Variants in NEK10 observed in about 807,000 individuals in gnomAD.
NEK10 encodes serine/threonine-protein kinase Nek10.
Under a neutral mutation model 159.8 loss-of-function variants are expected in NEK10, and 122 were observed. The ratio of observed to expected loss-of-function variants is 0.76; its 90% CI spans 0.66 to 0.89. NEK10 has a LOEUF of 0.89. NEK10 is among the 40% of genes least tolerant of loss of function. The pLI is 0.00. For synonymous variants in NEK10, 466 were observed against 457.1 expected, an observed-to-expected ratio of 1.02 and a Z score of -0.25; for missense variants, 1,342 against 1,323.1, an observed-to-expected ratio of 1.01 and a Z score of -0.22.
intron 1 of NEK10, among the ~76,000 whole-genome samples, chr3:27,357,248 T>C (rs1296001302): frequency 6.6e-6 from 1 of 152,192 alleles, no homozygotes; most frequent in Non-Finnish European, 1.5e-5. Flanking sequence ...TGGTGAGTTG[T>C]AGGCAAATAA....
chr3:27,150,435 A>G (rs770328493), intron 30 of NEK10, among the ~76,000 whole-genome samples: 8 of 152,308 alleles, frequency 5.3e-5, no homozygotes, highest in South Asian at 4.1e-4. Flanking sequence ...GCCAATGCTT[A>G]TTGACCATTC....
intron 25 of NEK10, among the ~76,000 whole-genome samples, chr3:27,199,802 T>G (rs1350131713): frequency 6.6e-6 from 1 of 152,200 alleles, no homozygotes; most frequent in Non-Finnish European, 1.5e-5. Context: ...CATCATGTCT[T>G]TTGTAGGAAC....
At chr3:27,227,086 T>C (rs773805514) in intron 23 of NEK10, among the ~76,000 whole-genome samples, 24 of 152,204 alleles carry the variant, frequency 1.6e-4, no homozygotes, top group Admixed American at 1.3e-4. Context: ...TGAACAAGCA[T>C]TTTCTGAGCA....
intron 19 of NEK10, among the ~76,000 whole-genome samples, chr3:27,288,863 T>C (rs973074808): frequency 2.6e-5 from 4 of 152,172 alleles, no homozygotes; most frequent in African/African-American, 9.7e-5. Context: ...GAAGGGAGAT[T>C]GCTAGCTGTC....
intron 11 of NEK10, among the ~76,000 whole-genome samples, chr3:27,306,044 C>A (rs1251176886): frequency 2.6e-5 from 4 of 152,104 alleles, no homozygotes; most frequent in Non-Finnish European, 5.9e-5. Flanking sequence ...AGTCATTAGC[C>A]TCCTCCCCAG....
At chr3:27,332,078 C>T (rs1036273080) in intron 5 of NEK10, among the ~76,000 whole-genome samples, 12 of 152,160 alleles carry the variant, frequency 7.9e-5, no homozygotes, top group Middle Eastern at 3.4e-3. Context: ...TATTCTAGAA[C>T]GATAGTACCA....
intron 23 of NEK10, among the ~76,000 whole-genome samples, chr3:27,209,186 CG>C (rs1482317951): frequency 6.6e-6 from 1 of 152,104 alleles, no homozygotes; most frequent in Non-Finnish European, 1.5e-5. Context: ...ATACAGTAAA[CG>C]GGACATAAAC....
chr3:27,256,238 A>G lies in NEK10; in HGVS notation c.2090+58T>C, dbSNP rs531254175. On this transcript the variant is annotated intron_variant, in intron 23 of 35. Transcript: ENST00000691995. ...TTTCCTTTGCAAGTCAATAATATAA[A>G]TGAAAGCCTAAATCAGTTAAGTATG... The G allele has an allele frequency of 8.3e-5, 63 of 762,776 alleles. 1 individual carries two copies. The Middle Eastern group carries it at 1.5e-3, about 19-fold the overall frequency. The allele number at this position is 762,776 out of a possible 1,614,324, so 47.3% of individuals were successfully genotyped here.
chr3:27,290,155 C>G (rs1032704023), intron 19 of NEK10, among the ~76,000 whole-genome samples: 2 of 152,150 alleles, frequency 1.3e-5, no homozygotes, highest in Non-Finnish European at 2.9e-5. Flanking sequence ...TCAGAGTATT[C>G]TGCTCATGCC....
chr3:27,365,990 A>G (rs1469490192), intron 1 of NEK10, among the ~76,000 whole-genome samples: 2 of 152,094 alleles, frequency 1.3e-5, no homozygotes, highest in Non-Finnish European at 2.9e-5. Flanking sequence ...TCAAAATGTA[A>G]GACTTATTCC....
chr3:27,361,118 A>G (rs2149876434), intron 1 of NEK10, among the ~76,000 whole-genome samples: 1 of 152,310 alleles, frequency 6.6e-6, no homozygotes, highest in Non-Finnish European at 1.5e-5. Flanking sequence ...TAACTAGAAT[A>G]TGTGACAACA....
intron 22 of NEK10, among the ~76,000 whole-genome samples, chr3:27,257,339 A>C (rs945643142): frequency 6.6e-6 from 1 of 152,236 alleles, no homozygotes; most frequent in Non-Finnish European, 1.5e-5. Context: ...AAAAAAGACA[A>C]TGCAGAACCA....
chr3:27,294,688 T>C (rs979119850), intron 15 of NEK10, among the ~76,000 whole-genome samples: 9 of 152,090 alleles, frequency 5.9e-5, no homozygotes, highest in Admixed American at 5.2e-4. Flanking sequence ...GTCTGCTGGG[T>C]TTGGCCATCA....
At chr3:27,137,261 G>A (rs750975407) in intron 31 of NEK10, among the ~76,000 whole-genome samples, 1 of 152,108 alleles carries the variant, frequency 6.6e-6, no homozygotes, top group Non-Finnish European at 1.5e-5. Context: ...GAAATCATTT[G>A]TTACACTGGC....
chr3:27,161,119 T>C (rs149161336), intron 30 of NEK10, among the ~76,000 whole-genome samples: 264 of 152,330 alleles, frequency 1.7e-3, no homozygotes, highest in African/African-American at 6.1e-3. Flanking sequence ...TAAGTCAACA[T>C]ACTGTTTAGG....
At chr3:27,340,921 C>T (rs2047158386) in intron 5 of NEK10, among the ~76,000 whole-genome samples, 1 of 152,068 alleles carries the variant, frequency 6.6e-6, no homozygotes, top group African/African-American at 2.4e-5. Flanking sequence ...GCACTGTTCA[C>T]AAAAGCAAAG....
At chr3:27,177,385 A>T (rs1056077849) in intron 26 of NEK10, among the ~76,000 whole-genome samples, 1 of 151,984 alleles carries the variant, frequency 6.6e-6, no homozygotes, top group Non-Finnish European at 1.5e-5. Flanking sequence ...CTACTAAAAA[A>T]TACAAAAAAA....
chr3:27,323,960 G>C (rs116621364), intron 5 of NEK10, among the ~76,000 whole-genome samples: 257 of 152,262 alleles, frequency 1.7e-3, no homozygotes, highest in Non-Finnish European at 2.6e-3. Flanking sequence ...AAACCAGTGT[G>C]GTAAAGGTAG....
chr3:27,115,682 AT>A (rs918377692), intron 35 of NEK10, among the ~76,000 whole-genome samples: 2 of 152,118 alleles, frequency 1.3e-5, no homozygotes, highest in Non-Finnish European at 2.9e-5. Context: ...TATATTTATG[AT>A]TTTTTATGGG....
Sources: allele counts gnomAD v4.1 joint callset (sites outside exome capture counted in the v4.1 genomes callset), GRCh38; gene constraint gnomAD v4.1.1; transcripts MANE v1.5; gene names NCBI Gene and HGNC (gene_info 2026-07-23, HGNC 2026-07-21).